The following ZFHX3 variants were observed in gnomAD, a reference collection of about 807,000 sequenced individuals.
ZFHX3 encodes the protein zinc finger homeobox protein 3.
A neutral mutation model predicts 279.1 loss-of-function variants in ZFHX3; 42 were observed. The ratio of observed to expected loss-of-function variants is 0.15; its 90% CI spans 0.12 to 0.19. The LOEUF is 0.19. Among genes scored for constraint, ZFHX3 ranks in the 10% least tolerant of loss-of-function variants. The pLI, the probability that ZFHX3 is intolerant of heterozygous loss-of-function variation, is 1.00. For missense variants in ZFHX3, 4,981 were observed against 4,754.0 expected, an observed-to-expected ratio of 1.05 and a Z score of -1.40; for synonymous variants, 2,293 against 1,957.8, an observed-to-expected ratio of 1.17 and a Z score of -4.52.
intron 1 of ZFHX3, among the ~76,000 whole-genome samples, chr16:73,778,117 G>T (rs1039449665): frequency 1.3e-5 from 2 of 151,662 alleles, no homozygotes; most frequent in African/African-American, 4.8e-5. Context: ...ATGAAATAGA[G>T]CAGATGTTGA....
intron 5 of ZFHX3, among the ~76,000 whole-genome samples, chr16:73,154,026 C>T (rs1967013109): frequency 6.6e-6 from 1 of 152,098 alleles, no homozygotes; most frequent in Admixed American, 6.5e-5. Context: ...TTCTTAACCC[C>T]AAATCACACG....
intron 4 of ZFHX3, among the ~76,000 whole-genome samples, chr16:73,281,947 C>T (rs1341734641): frequency 6.6e-6 from 1 of 152,068 alleles, no homozygotes; most frequent in Non-Finnish European, 1.5e-5. Flanking sequence ...TAGGGACAAC[C>T]AAATGAGAAT....
At chr16:72,921,779 A>G (rs975041711) in intron 3 of ZFHX3, among the ~76,000 whole-genome samples, 5 of 152,190 alleles carry the variant, frequency 3.3e-5, no homozygotes, top group African/African-American at 7.2e-5. Flanking sequence ...GGCCCCAGGA[A>G]GCTGGCGGGG....
intron 1 of ZFHX3, among the ~76,000 whole-genome samples, chr16:73,687,042 A>ATATATATATATAT (rs2053094958): frequency 9.8e-5 from 8 of 81,446 alleles, no homozygotes; most frequent in African/African-American, 3.9e-4. Context: ...ATATATATAT[A>ATATATATATATAT]TATATATATA....
chr16:73,185,575 G>A (rs191941759), intron 5 of ZFHX3, among the ~76,000 whole-genome samples: 4 of 152,284 alleles, frequency 2.6e-5, no homozygotes, highest in Non-Finnish European at 5.9e-5. Context: ...ATTTGAGAGC[G>A]TGAGACTCAG....
At chr16:73,446,418 A>C (rs1233832063) in intron 3 of ZFHX3, among the ~76,000 whole-genome samples, 1 of 152,156 alleles carries the variant, frequency 6.6e-6, no homozygotes, top group East Asian at 1.9e-4. Context: ...GAAGCTGGGG[A>C]AAGAACCTTA....
At chr16:73,216,531 C>G (rs2012215085) in intron 5 of ZFHX3, among the ~76,000 whole-genome samples, 13 of 152,170 alleles carry the variant, frequency 8.5e-5, no homozygotes, top group Admixed American at 8.5e-4. Context: ...TCTTTGTAGT[C>G]TCAGCATGAA....
At chr16:73,393,614 T>G (rs1438334760) in intron 3 of ZFHX3, among the ~76,000 whole-genome samples, 1 of 152,202 alleles carries the variant, frequency 6.6e-6, no homozygotes, top group African/African-American at 2.4e-5. Context: ...CACGTGAATC[T>G]TCCTTCTGAT....
intron 4 of ZFHX3, among the ~76,000 whole-genome samples, chr16:73,296,896 T>TTTTTTTTTTTTTG (rs2014929615): frequency 6.9e-6 from 1 of 145,434 alleles, no homozygotes. Context: ...TTTTTTTTTT[T>TTTTTTTTTTTTTG]GAGACGGAGT....
At chr16:73,212,799 C>T (rs73597323) in intron 5 of ZFHX3, among the ~76,000 whole-genome samples, 2,997 of 152,318 alleles carry the variant, frequency 0.02, 62 homozygotes, top group African/African-American at 0.059. Context: ...GCCCAGCAGA[C>T]TTTGAGTCTC....
At chr16:73,540,667 A>G (rs1294133482) in intron 2 of ZFHX3, among the ~76,000 whole-genome samples, 1 of 152,228 alleles carries the variant, frequency 6.6e-6, no homozygotes, top group Non-Finnish European at 1.5e-5. Context: ...CTCTTTAAAT[A>G]ATACCAGTCT....
intron 1 of ZFHX3, among the ~76,000 whole-genome samples, chr16:73,818,978 G>T (rs1960657883): frequency 6.6e-6 from 1 of 152,166 alleles, no homozygotes; most frequent in East Asian, 1.9e-4. Context: ...AATAATCATA[G>T]ATTGGTACTT....
intron 2 of ZFHX3, among the ~76,000 whole-genome samples, chr16:73,570,948 T>TAAAA (rs1597004756): frequency 2.5e-5 from 2 of 78,978 alleles, no homozygotes; most frequent in African/African-American, 3.8e-5. Context: ...CCTTTTCTTC[T>TAAAA]CAAAAAAAAA....
At chr16:72,825,255 T>C (rs552130260) in intron 5 of ZFHX3, among the ~76,000 whole-genome samples, 1 of 152,290 alleles carries the variant, frequency 6.6e-6, no homozygotes, top group East Asian at 1.9e-4. Flanking sequence ...AAGACATATA[T>C]CCATGGTTGA....
At position 72,793,689 on chromosome 16, in the gene ZFHX3, C is replaced by T. The variant is rs2035794664; in HGVS notation, c.8993G>A (p.Arg2998Gln). ...RVVQVWFQNA[R>Q]AKEKKSKLSM... ...TAACTTGGACTTCTTTTCTTTTGCC[C>T]GGGCATTCTGGAACCAGACCTGAAC... Residue 2998 changes from arginine to glutamine, a missense_variant, in exon 9 of 10, where the codon CGG becomes CAG. Physicochemically the swap from Arg to Gln is conservative, Grantham distance 43. Transcript: ENST00000268489. The surrounding 1 kb of genome is among the most constrained non-coding windows in gnomAD (Gnocchi z 4.3). 2 of 1,613,964 alleles carry T rather than the reference C, an allele frequency of 1.2e-6. No individual in the cohort carries two copies. The highest frequency in any genetic ancestry group is 1.7e-6 in the Non-Finnish European group (2 of 1,180,032).
At chr16:72,856,098 T>C (rs1217208820) in intron 4 of ZFHX3, among the ~76,000 whole-genome samples, 3 of 152,246 alleles carry the variant, frequency 2.0e-5, no homozygotes, top group Non-Finnish European at 4.4e-5. Context: ...AGTCCAACAC[T>C]TCACCAGCGC....
chr16:72,788,949 C>G (rs960745423), intron 9 of ZFHX3, 101 bp from the exon 10 acceptor site: 1 of 1,470,176 alleles, frequency 6.8e-7, no homozygotes, highest in South Asian at 1.5e-5. Flanking sequence ...TTTGAGATGT[C>G]AAGGCTTGAA....
intron 1 of ZFHX3, among the ~76,000 whole-genome samples, chr16:73,890,290 C>CAACG (rs2030491703): frequency 6.8e-6 from 1 of 147,670 alleles, no homozygotes; most frequent in South Asian, 2.2e-4. Context: ...TCCCCTTTTA[C>CAACG]AACGACTCTG....
chr16:73,816,560 C>T (rs556758063), intron 1 of ZFHX3, among the ~76,000 whole-genome samples: 37 of 152,276 alleles, frequency 2.4e-4, no homozygotes, highest in African/African-American at 7.7e-4. Flanking sequence ...AAACTATTTA[C>T]TATCTGGCCT....
Sources: allele counts gnomAD v4.1 joint callset (sites outside exome capture counted in the v4.1 genomes callset), GRCh38; gene constraint gnomAD v4.1.1; non-coding constraint Gnocchi (gnomAD v3.1); transcripts MANE v1.5; gene names NCBI Gene and HGNC (gene_info 2026-07-23, HGNC 2026-07-21).